The following KCNIP4 variants were observed in gnomAD, a reference collection of about 807,000 sequenced individuals.
KCNIP4 encodes the protein potassium voltage-gated channel interacting protein 4.
Under a neutral mutation model 34.0 loss-of-function variants are expected in KCNIP4, and 12 were observed. The observed-to-expected ratio is 0.35, with a 90% confidence interval of 0.23 to 0.57. The LOEUF is 0.57. Among genes scored for constraint, KCNIP4 ranks in the 20% least tolerant of loss-of-function variants. KCNIP4 has a pLI of 0.83. For missense variants in KCNIP4, 238 were observed against 311.7 expected (o/e 0.76, Z 1.78); for synonymous variants, 124 against 102.2 (o/e 1.21, Z -1.29).
intron 1 of KCNIP4, among the ~76,000 whole-genome samples, chr4:21,746,680 C>CAA (rs200443248): frequency 6.8e-6 from 1 of 147,796 alleles, no homozygotes; most frequent in East Asian, 2.0e-4. Context: ...TTCATAATAC[C>CAA]AAAAAAAAAA....
intron 1 of KCNIP4, among the ~76,000 whole-genome samples, chr4:21,013,223 G>A (rs1191452624): frequency 6.6e-6 from 1 of 152,138 alleles, no homozygotes; most frequent in African/African-American, 2.4e-5. Context: ...AGACCACTCT[G>A]AGATGATATG....
chr4:20,796,115 T>C (rs953592704), intron 3 of KCNIP4, among the ~76,000 whole-genome samples: 4 of 152,206 alleles, frequency 2.6e-5, no homozygotes, highest in Non-Finnish European at 4.4e-5. Context: ...TAGGAAAATG[T>C]GTCGGATGTT....
chr4:21,412,311 G>C (rs1724578452), intron 1 of KCNIP4, among the ~76,000 whole-genome samples: 1 of 152,116 alleles, frequency 6.6e-6, no homozygotes, highest in Non-Finnish European at 1.5e-5. Flanking sequence ...AAAGCCCTCT[G>C]ATCCTTTCCA....
chr4:21,331,084 C>T (rs1715591251), intron 1 of KCNIP4, among the ~76,000 whole-genome samples: 1 of 152,096 alleles, frequency 6.6e-6, no homozygotes, highest in Non-Finnish European at 1.5e-5. Context: ...GACACTGTGT[C>T]CTCTTCTTCC....
intron 1 of KCNIP4, among the ~76,000 whole-genome samples, chr4:21,046,259 T>C (rs1742410984): frequency 6.6e-6 from 1 of 152,212 alleles, no homozygotes; most frequent in Non-Finnish European, 1.5e-5. Flanking sequence ...TGCATATTTC[T>C]AAAACCAAAA....
intron 3 of KCNIP4, among the ~76,000 whole-genome samples, chr4:20,769,652 G>T (rs545753427): frequency 2.6e-5 from 4 of 152,180 alleles, no homozygotes; most frequent in African/African-American, 9.7e-5. Context: ...GGATAAAAGA[G>T]TCTGACATGG....
In KCNIP4 at chr4:21,072,831, A is replaced by G. The variant is rs529649002; in HGVS notation, c.62-190122T>C. Among the ~76,000 whole-genome samples the G allele has an allele frequency of 3.3e-3, 497 of 152,306 alleles. 2 individuals carry two copies. The highest frequency in any genetic ancestry group is 0.011 in the African/African-American group (454 of 41,558). ...TTGAATTAATTTTCATATAAGGTGTAAGGAAGGGATCCAGTTTCAGTTTTC... is the reference window on the plus strand; with the variant it reads ...TTGAATTAATTTTCATATAAGGTGTGAGGAAGGGATCCAGTTTCAGTTTTC... On this transcript the variant is annotated intron_variant, in intron 1 of 8. Coordinates refer to ENST00000382152, the MANE Select transcript of KCNIP4 (RefSeq NM_025221.6).
At chr4:21,291,866 AAAAAGAAAGAAAG>A (rs1391675957) in intron 1 of KCNIP4, among the ~76,000 whole-genome samples, 1,345 of 61,892 alleles carry the variant, frequency 0.022, 107 homozygotes, top group Middle Eastern at 0.033. Context: ...AAAAAAAAAA[AAAAAGAAAGAAAG>A]AAAGAAAGAA....
In KCNIP4 at chr4:21,029,384, T is replaced by C. The variant is rs192638756; in HGVS notation, c.62-146675A>G. Among the ~76,000 whole-genome samples the C allele has an allele frequency of 1.0e-3, 156 of 152,332 alleles. 1 individual carries two copies. Among genetic ancestry groups the C allele is most frequent in the African/African-American group, 3.5e-3 (145 of 41,578 alleles). On this transcript the variant is annotated intron_variant, in intron 1 of 8. Coordinates refer to ENST00000382152, the MANE Select transcript of KCNIP4 (RefSeq NM_025221.6). ...TAGAAGTGATAATATCTGAAACATG[T>C]AGGACACTTTCTATGATGTACTAAC...
At chr4:21,199,892 G>A (rs1756342738) in intron 1 of KCNIP4, among the ~76,000 whole-genome samples, 2 of 152,022 alleles carry the variant, frequency 1.3e-5, no homozygotes, top group Admixed American at 1.3e-4. Context: ...TCCTTTGCAG[G>A]GACATGGATG....
In KCNIP4 at chr4:21,154,787, G is replaced by T. The variant is rs538140893; in HGVS notation, c.62-272078C>A. On this transcript the variant is annotated intron_variant, in intron 1 of 8. Coordinates refer to ENST00000382152, the MANE Select transcript of KCNIP4 (RefSeq NM_025221.6). ...TGGAACTCCTTCAGCTGAGAGTCAT[G>T]CCCTCCTTGACTTTTCCTCTTTTTG... Among the ~76,000 whole-genome samples, 3 of 152,222 alleles carry T rather than the reference G, an allele frequency of 2.0e-5. No homozygotes were observed. In the South Asian group the frequency reaches 6.2e-4, roughly 32 times the overall value.
intron 1 of KCNIP4, among the ~76,000 whole-genome samples, chr4:21,411,238 T>C (rs1724469715): frequency 6.6e-6 from 1 of 152,146 alleles, no homozygotes; most frequent in Admixed American, 6.5e-5. Context: ...AACTGAACTT[T>C]GATGTAATTG....
chr4:21,139,438 T>G (rs1054302112), intron 1 of KCNIP4, among the ~76,000 whole-genome samples: 1 of 152,226 alleles, frequency 6.6e-6, no homozygotes. Flanking sequence ...AACTGTGAAT[T>G]TGGATACATG....
rs34753719 is a variant in KCNIP4, at chr4:21,422,615, CACA to C, written c.61+525953_61+525955del. On this transcript the variant is annotated intron_variant, in intron 1 of 8. Transcript: ENST00000382152. ...TCAAGTGAGAGAAAGCAAGGATGGT[CACA>C]ACATTGAAGTAGTTGGGGGAAACAT... Among the ~76,000 whole-genome samples the C allele has an allele frequency of 5.9e-3, 902 of 151,842 alleles. 12 individuals carry two copies. The highest frequency in any genetic ancestry group is 0.021 in the African/African-American group (854 of 41,374).
At chr4:21,111,164 C>G (rs569100492) in intron 1 of KCNIP4, among the ~76,000 whole-genome samples, 3 of 151,998 alleles carry the variant, frequency 2.0e-5, no homozygotes, top group African/African-American at 7.2e-5. Flanking sequence ...TTTTTCATTC[C>G]CAGCATTTCA....
At chr4:21,756,230 G>A (rs1484833704) in intron 1 of KCNIP4, among the ~76,000 whole-genome samples, 1 of 151,938 alleles carries the variant, frequency 6.6e-6, no homozygotes, top group African/African-American at 2.4e-5. Flanking sequence ...GTTTGTTTAC[G>A]TGCTGGTTTT....
At chr4:21,009,726 T>C (rs932991548) in intron 1 of KCNIP4, among the ~76,000 whole-genome samples, 1 of 152,254 alleles carries the variant, frequency 6.6e-6, no homozygotes, top group Non-Finnish European at 1.5e-5. Flanking sequence ...TTAGTACATG[T>C]CTTGACAAAG....
intron 1 of KCNIP4, among the ~76,000 whole-genome samples, chr4:21,421,340 A>C (rs568672747): frequency 1.3e-5 from 2 of 152,334 alleles, no homozygotes; most frequent in Admixed American, 6.5e-5. Flanking sequence ...TGGTAGCATT[A>C]GTCACAATAG....
intron 1 of KCNIP4, among the ~76,000 whole-genome samples, chr4:21,554,615 A>G (rs953125760): frequency 6.6e-6 from 1 of 152,074 alleles, no homozygotes; most frequent in African/African-American, 2.4e-5. Context: ...ACGAGTTTGC[A>G]GAAACAATTC....
Sources: allele counts gnomAD v4.1 joint callset (sites outside exome capture counted in the v4.1 genomes callset), GRCh38; gene constraint gnomAD v4.1.1; transcripts MANE v1.5; gene names NCBI Gene and HGNC (gene_info 2026-07-23, HGNC 2026-07-21).